Variants in CSMD1 observed in about 807,000 individuals in gnomAD.
CSMD1 encodes the protein CUB and Sushi multiple domains 1.
CSMD1 carries 213 observed loss-of-function variants against 417.5 expected under a neutral mutation model. The observed-to-expected ratio is 0.51, with a 90% CI of 0.46 to 0.57. The LOEUF is 0.57. CSMD1 is among the 20% of genes least tolerant of loss of function. The pLI, the probability that CSMD1 is intolerant of heterozygous loss-of-function variation, is 0.00. For missense variants in CSMD1, 6,923 were observed against 4,529.7 expected, an observed-to-expected ratio of 1.53 and a Z score of -15.17; for synonymous variants, 2,862 against 1,736.8, an observed-to-expected ratio of 1.65 and a Z score of -16.11.
chr8:4,378,628 C>G (rs906112532), intron 3 of CSMD1, among the ~76,000 whole-genome samples: 2 of 152,132 alleles, frequency 1.3e-5, no homozygotes, highest in Admixed American at 6.6e-5. Context: ...AGTTTGAAGA[C>G]AAAAAGAATA....
chr8:4,000,592 A>C (rs1369313600), intron 4 of CSMD1, among the ~76,000 whole-genome samples: 2 of 152,206 alleles, frequency 1.3e-5, no homozygotes. Flanking sequence ...CTTTAAACGC[A>C]AATATAAATA....
chr8:3,652,943 G>T (rs986206347), intron 7 of CSMD1, among the ~76,000 whole-genome samples: 7 of 152,118 alleles, frequency 4.6e-5, no homozygotes, highest in Non-Finnish European at 1.5e-5. Flanking sequence ...AAGACTGAAA[G>T]CCCCTTATTT....
intron 1 of CSMD1, among the ~76,000 whole-genome samples, chr8:4,792,500 G>A (rs953797120): frequency 1.3e-5 from 2 of 152,062 alleles, no homozygotes; most frequent in Non-Finnish European, 2.9e-5. Flanking sequence ...CGTTCCCTGG[G>A]CAGTTGTGGT....
chr8:3,535,280 C>T (rs1020264833), intron 10 of CSMD1, among the ~76,000 whole-genome samples: 1 of 152,114 alleles, frequency 6.6e-6, no homozygotes. Flanking sequence ...ACAGACGACA[C>T]TGAAATAGTT....
chr8:4,862,764 A>G (rs1012432458), intron 1 of CSMD1, among the ~76,000 whole-genome samples: 2 of 152,060 alleles, frequency 1.3e-5, no homozygotes, highest in Admixed American at 6.5e-5. Flanking sequence ...CAACTTGGAA[A>G]AGGTTCTTGG....
chr8:3,280,791 A>ATTAT (rs869191315), intron 26 of CSMD1, among the ~76,000 whole-genome samples: 1 of 64,850 alleles, frequency 1.5e-5, no homozygotes, highest in East Asian at 4.7e-4. Flanking sequence ...AACACTAATA[A>ATTAT]TTAATTATAT....
chr8:3,920,240 G>T (rs1219489563), intron 5 of CSMD1, among the ~76,000 whole-genome samples: 1 of 151,876 alleles, frequency 6.6e-6, no homozygotes, highest in African/African-American at 2.4e-5. Context: ...TCACCATGTT[G>T]CCCGGGATGC....
At chr8:3,239,641 T>C (rs148657367) in intron 26 of CSMD1, among the ~76,000 whole-genome samples, 129 of 152,282 alleles carry the variant, frequency 8.5e-4, no homozygotes, top group African/African-American at 3.0e-3. Flanking sequence ...TCCTTGAGGA[T>C]AGATTTCTAT....
intron 21 of CSMD1, among the ~76,000 whole-genome samples, chr8:3,348,390 TCTGA>T (rs2117640499): frequency 6.6e-6 from 1 of 152,286 alleles, no homozygotes; most frequent in East Asian, 1.9e-4. Flanking sequence ...CAGAATGACC[TCTGA>T]CTATGTGGAA....
At chr8:4,650,809 C>A (rs1461617704) in intron 1 of CSMD1, among the ~76,000 whole-genome samples, 1 of 152,072 alleles carries the variant, frequency 6.6e-6, no homozygotes, top group Admixed American at 6.6e-5. Context: ...TTATTTTACC[C>A]AAGTTTTGCT....
At chr8:4,073,533 C>A (rs541830364) in intron 3 of CSMD1, among the ~76,000 whole-genome samples, 2 of 152,162 alleles carry the variant, frequency 1.3e-5, no homozygotes, top group South Asian at 2.1e-4. Flanking sequence ...GTCTTAGTGC[C>A]AGATGGCATA....
At chr8:4,141,081 C>A (rs570015055) in intron 3 of CSMD1, among the ~76,000 whole-genome samples, 16 of 151,298 alleles carry the variant, frequency 1.1e-4, no homozygotes, top group Non-Finnish European at 2.2e-4. Context: ...CCCAAATCTA[C>A]AAACTTCCCA....
At chr8:4,032,487 C>G (rs1308322271) in intron 3 of CSMD1, among the ~76,000 whole-genome samples, 2 of 152,160 alleles carry the variant, frequency 1.3e-5, no homozygotes. Context: ...AAAACAGTGG[C>G]ATAAGAAATA....
intron 5 of CSMD1, among the ~76,000 whole-genome samples, chr8:3,878,636 A>T (rs918456773): frequency 5.9e-5 from 9 of 152,224 alleles, no homozygotes; most frequent in African/African-American, 2.2e-4. Flanking sequence ...ATTGACAGAA[A>T]AATCTCCAAA....
chr8:4,021,034 G>C (rs1490335235), intron 4 of CSMD1, among the ~76,000 whole-genome samples: 2 of 152,164 alleles, frequency 1.3e-5, no homozygotes, highest in Admixed American at 6.5e-5. Flanking sequence ...CAACGTAAGT[G>C]AGAATAAAAC....
rs547351722 is a variant in CSMD1 at position 4,049,776 on chromosome 8, C to T, written c.416-17677G>A. On this transcript the variant is annotated intron_variant, in intron 3 of 69. Coordinates refer to ENST00000635120, the MANE Select transcript of CSMD1 (RefSeq NM_033225.6). ...AGAATCTCCATAAATGGCCACAGCC[C>T]GTTTTCCTTACTGTTAGCATCTTAG... 1.2e-3 allele frequency among the ~76,000 whole-genome samples: 187 copies of T among 152,182 alleles called. 3 individuals carry two copies. In the Middle Eastern group the frequency reaches 0.024, roughly 19 times the overall value.
chr8:3,981,252 C>T (rs547150575), intron 5 of CSMD1, among the ~76,000 whole-genome samples: 4 of 152,064 alleles, frequency 2.6e-5, no homozygotes, highest in East Asian at 1.9e-4. Context: ...CGTTGAAAAC[C>T]AAACATCGTA....
chr8:4,969,088 T>G (rs1387661560), intron 1 of CSMD1, among the ~76,000 whole-genome samples: 3 of 152,168 alleles, frequency 2.0e-5, no homozygotes, highest in Non-Finnish European at 4.4e-5. Context: ...GACAGCTCAC[T>G]GACCTGGTGG....
chr8:3,988,470 C>G (rs554585190), intron 5 of CSMD1, among the ~76,000 whole-genome samples: 1 of 152,194 alleles, frequency 6.6e-6, no homozygotes, highest in Non-Finnish European at 1.5e-5. Flanking sequence ...TCTCACAGCT[C>G]AGGCTCTGGA....
Sources: allele counts gnomAD v4.1 joint callset (sites outside exome capture counted in the v4.1 genomes callset), GRCh38; gene constraint gnomAD v4.1.1; transcripts MANE v1.5; gene names NCBI Gene and HGNC (gene_info 2026-07-23, HGNC 2026-07-21).